SDK1: variants seen among roughly 807,000 people sequenced by gnomAD.
SDK1 encodes sidekick cell adhesion molecule 1.
In SDK1, 157 loss-of-function variants were observed where a neutral mutation model predicts 245.5. The ratio of observed to expected loss-of-function variants is 0.64; its 90% CI spans 0.56 to 0.73. The LOEUF is 0.73. SDK1 is among the 30% of genes least tolerant of loss of function. The pLI is 0.00. For missense variants in SDK1, 3,583 were observed against 3,002.3 expected (o/e 1.19, Z -4.52); for synonymous variants, 1,647 against 1,278.5 (o/e 1.29, Z -6.15).
chr7:4,051,912 C>A, intron 19 of SDK1, 82 bp downstream of exon 19: 1 of 1,337,578 alleles, frequency 7.5e-7, no homozygotes, highest in Non-Finnish European at 1.0e-6. Context: ...CAGGCAAGGG[C>A]AGAGGTGGAT....
chr7:3,940,909 G>A (rs1780343064), intron 5 of SDK1, among the ~76,000 whole-genome samples: 1 of 152,018 alleles, frequency 6.6e-6, no homozygotes, highest in South Asian at 2.1e-4. Flanking sequence ...CTCATGGAGT[G>A]GCCTCTTGAT....
chr7:3,424,465 T>TA, intron 1 of SDK1, among the ~76,000 whole-genome samples: 1 of 152,306 alleles, frequency 6.6e-6, no homozygotes, highest in African/African-American at 2.4e-5. Context: ...TTCACACTGA[T>TA]AAAAACAGGA....
intron 22 of SDK1, among the ~76,000 whole-genome samples, chr7:4,098,930 C>T (rs1336204779): frequency 1.3e-5 from 2 of 150,238 alleles, no homozygotes; most frequent in Admixed American, 6.7e-5. Context: ...GCCCCAGCCT[C>T]CCAAAGTGCT....
At chr7:3,462,676 C>T (rs1452254807) in intron 1 of SDK1, among the ~76,000 whole-genome samples, 2 of 152,090 alleles carry the variant, frequency 1.3e-5, no homozygotes. Flanking sequence ...CTTGATGCCT[C>T]ATCCACATTA....
chr7:4,083,506 G>A lies in SDK1; in HGVS notation c.3324+3922G>A, dbSNP rs543115102. ...AACTGGAAGTTCATTGCAAAGAACT[G>A]GTAGATTCCATTTCCACTCCTCCCT... On this transcript the variant is annotated intron_variant, in intron 22 of 44. Transcript: ENST00000404826. Among the ~76,000 whole-genome samples, 7 of 130,584 alleles carry A rather than the reference G, an allele frequency of 5.4e-5. No individual in the cohort carries two copies. The South Asian group carries it at 1.3e-3, about 24-fold the overall frequency. 85.7% of individuals were successfully genotyped at this position (130,584 alleles called of 152,430 possible). A position where few individuals can be genotyped will look rare whatever the true frequency, so the allele number is the denominator to read the frequency against.
At chr7:4,075,942 C>T (rs1180270902) in intron 20 of SDK1, among the ~76,000 whole-genome samples, 2 of 152,108 alleles carry the variant, frequency 1.3e-5, no homozygotes, top group African/African-American at 2.4e-5. Context: ...TGTGAGCCAC[C>T]GTGCCCCGCA....
intron 1 of SDK1, among the ~76,000 whole-genome samples, chr7:3,566,181 C>T (rs1779910387): frequency 6.6e-6 from 1 of 151,150 alleles, no homozygotes; most frequent in Admixed American, 6.6e-5. Context: ...AATTAAACCC[C>T]AGCATTTTTA....
At chr7:3,903,237 G>C (rs188851365) in intron 5 of SDK1, among the ~76,000 whole-genome samples, 5 of 149,756 alleles carry the variant, frequency 3.3e-5, no homozygotes, top group African/African-American at 4.9e-5. Context: ...TCCACCTCCC[G>C]GGTTCACTCC....
At chr7:3,852,138 T>A (rs975677205) in intron 5 of SDK1, among the ~76,000 whole-genome samples, 2 of 151,422 alleles carry the variant, frequency 1.3e-5, no homozygotes, top group African/African-American at 4.8e-5. Context: ...TCTCAGCACC[T>A]CGCGGATAAT....
rs1779639232 is a variant in SDK1 at position 3,425,101 on chromosome 7, C to T, written c.298+123217C>T. 3.8e-5 allele frequency among the ~76,000 whole-genome samples: 5 copies of T among 132,788 alleles called. No individual in the cohort carries two copies. In the South Asian group the frequency reaches 1.3e-3, roughly 34 times the overall value. The allele number at this position is 132,788 out of a possible 152,430, so 87.1% of individuals were successfully genotyped here. A position where few individuals can be genotyped will look rare whatever the true frequency, so the allele number is the denominator to read the frequency against. The stretch of plus-strand genomic sequence containing the variant: ...CCTATGTTTTTTCAAACTTGAGAGT[C>T]ATACAGTTGCCAGCTTTTTTTTTTT... On this transcript the variant is annotated intron_variant, in intron 1 of 44. Transcript: ENST00000404826.
intron 30 of SDK1, among the ~76,000 whole-genome samples, chr7:4,157,262 A>G (rs1026273791): frequency 2.0e-5 from 3 of 150,392 alleles, no homozygotes; most frequent in Admixed American, 6.7e-5. Flanking sequence ...GGACGGAAGG[A>G]AGGAAGGAAG....
chr7:3,397,790 C>G (rs1778760984), intron 1 of SDK1, among the ~76,000 whole-genome samples: 1 of 152,004 alleles, frequency 6.6e-6, no homozygotes, highest in African/African-American at 2.4e-5. Context: ...GGGTTTTTAT[C>G]TCTGCTTACA....
intron 14 of SDK1, among the ~76,000 whole-genome samples, chr7:4,000,504 G>C (rs1316563474): frequency 6.6e-6 from 1 of 152,092 alleles, no homozygotes; most frequent in Non-Finnish European, 1.5e-5. Flanking sequence ...TCTCTGAGCT[G>C]CACGGCTGGG....
intron 4 of SDK1, among the ~76,000 whole-genome samples, chr7:3,674,068 G>A (rs143152092): frequency 9.9e-4 from 150 of 152,192 alleles, no homozygotes; most frequent in African/African-American, 3.6e-3. Context: ...ATAGAAGAGA[G>A]AATAGGAGAA....
chr7:4,154,864 G>C (rs904695896), intron 30 of SDK1, among the ~76,000 whole-genome samples: 1 of 152,120 alleles, frequency 6.6e-6, no homozygotes, highest in Non-Finnish European at 1.5e-5. Flanking sequence ...AAGGGTTACA[G>C]GAGGGTGTTC....
In SDK1 at chr7:3,439,189, A is replaced by T. The variant is rs571365131; in HGVS notation, c.298+137305A>T. On this transcript the variant is annotated intron_variant, in intron 1 of 44. Transcript: ENST00000404826. ...TAATTATCCAACATCTCAAATGTGCAGTTCATCACATTTTTGGGGTGGTGG... is the reference window on the plus strand; with the variant it reads ...TAATTATCCAACATCTCAAATGTGCTGTTCATCACATTTTTGGGGTGGTGG... Among the ~76,000 whole-genome samples, 4 of 152,248 alleles carry T rather than the reference A, an allele frequency of 2.6e-5. No homozygotes were observed. The South Asian group carries it at 8.3e-4, about 32-fold the overall frequency.
At chr7:3,380,262 C>G (rs559709298) in intron 1 of SDK1, among the ~76,000 whole-genome samples, 4 of 152,258 alleles carry the variant, frequency 2.6e-5, no homozygotes, top group Admixed American at 6.5e-5. Context: ...CTGGAAATGG[C>G]CTGTGATTGG....
intron 4 of SDK1, among the ~76,000 whole-genome samples, chr7:3,763,828 G>A (rs1487917457): frequency 6.6e-6 from 1 of 152,030 alleles, no homozygotes; most frequent in Non-Finnish European, 1.5e-5. Context: ...AGTATTTACT[G>A]ATAATAAGCA....
intron 4 of SDK1, among the ~76,000 whole-genome samples, chr7:3,797,494 C>G (rs950328031): frequency 1.5e-5 from 2 of 136,694 alleles, no homozygotes; most frequent in African/African-American, 2.7e-5. Flanking sequence ...CACACACACA[C>G]AGTTTTTATT....
Sources: allele counts gnomAD v4.1 joint callset (sites outside exome capture counted in the v4.1 genomes callset), GRCh38; gene constraint gnomAD v4.1.1; transcripts MANE v1.5; gene names NCBI Gene and HGNC (gene_info 2026-07-23, HGNC 2026-07-21).